The following TBC1D22A variants were observed in gnomAD, a reference collection of about 807,000 sequenced individuals.
The protein encoded by TBC1D22A is TBC1 domain family member 22A.
TBC1D22A carries 38 observed loss-of-function variants against 60.2 expected under a neutral mutation model. That is an observed-to-expected ratio of 0.63 (90% CI 0.49 to 0.83). The LOEUF is 0.83. TBC1D22A is among the 40% of genes least tolerant of loss of function. TBC1D22A has a pLI of 0.00. For missense variants in TBC1D22A, 628 were observed against 701.0 expected (o/e 0.90, Z 1.18); for synonymous variants, 302 against 281.7 (o/e 1.07, Z -0.72).
chr22:46,902,868 A>G (rs184857918), intron 7 of TBC1D22A, among the ~76,000 whole-genome samples: 1 of 152,246 alleles, frequency 6.6e-6, no homozygotes. Context: ...AGGGATGAAG[A>G]CAGATGTGCG....
intron 11 of TBC1D22A, among the ~76,000 whole-genome samples, chr22:47,039,932 A>G (rs2062782296): frequency 2.0e-5 from 2 of 101,826 alleles, no homozygotes; most frequent in Admixed American, 1.1e-4. Flanking sequence ...GAGGTGCCAC[A>G]GCCTTTTTTT....
chr22:46,809,248 T>C (rs148202912), intron 4 of TBC1D22A, among the ~76,000 whole-genome samples: 1 of 152,236 alleles, frequency 6.6e-6, no homozygotes, highest in East Asian at 1.9e-4. Context: ...CTTCTGTGCA[T>C]GTGTGGGGAG....
rs546336688 is a variant in TBC1D22A, at chr22:47,083,024, G to A, written c.1330-28484G>A. On this transcript the variant is annotated intron_variant, in intron 11 of 12. Coordinates refer to ENST00000337137, the MANE Select transcript of TBC1D22A (RefSeq NM_014346.5). ...AGTGCTCTTCAATGACAACGTGGAT[G>A]AATCTCAGAAACATTTTAACCAGCA... Among the ~76,000 whole-genome samples the A allele has an allele frequency of 7.0e-4, 107 of 152,346 alleles. No homozygotes were observed. The Middle Eastern group carries it at 0.017, about 24-fold the overall frequency.
chr22:46,828,229 C>A (rs1569098644), intron 4 of TBC1D22A, among the ~76,000 whole-genome samples: 1 of 152,142 alleles, frequency 6.6e-6, no homozygotes, highest in African/African-American at 2.4e-5. Flanking sequence ...AGCATGATTT[C>A]TCACCCACGG....
chr22:46,932,801 T>C (rs2071431363), intron 8 of TBC1D22A, among the ~76,000 whole-genome samples: 2 of 147,978 alleles, frequency 1.4e-5, no homozygotes, highest in Non-Finnish European at 3.0e-5. Context: ...CTTGGCTCAC[T>C]GCAACCTCTG....
At chr22:47,151,006 C>T (rs2067480173) in intron 12 of TBC1D22A, among the ~76,000 whole-genome samples, 1 of 152,178 alleles carries the variant, frequency 6.6e-6, no homozygotes, top group Non-Finnish European at 1.5e-5. Flanking sequence ...CTTGCTCTTC[C>T]TGCTGTGATG....
At chr22:47,090,043 C>T (rs959615533) in intron 11 of TBC1D22A, among the ~76,000 whole-genome samples, 19 of 152,242 alleles carry the variant, frequency 1.2e-4, no homozygotes, top group African/African-American at 4.1e-4. Flanking sequence ...ATCATTTCCC[C>T]GGGCCCCGCC....
At chr22:46,987,517 A>G (rs1398549634) in intron 9 of TBC1D22A, among the ~76,000 whole-genome samples, 2 of 152,224 alleles carry the variant, frequency 1.3e-5, no homozygotes, top group African/African-American at 4.8e-5. Context: ...ACAATAAAGC[A>G]ACTATCCTAA....
intron 8 of TBC1D22A, chr22:46,913,232 C>G: frequency 3.8e-6 from 3 of 785,124 alleles, no homozygotes; most frequent in Admixed American, 2.9e-5. Context: ...AAAGAGGGGA[C>G]TTTACTGTTT....
intron 12 of TBC1D22A, among the ~76,000 whole-genome samples, chr22:47,124,071 G>A (rs897778521): frequency 1.3e-5 from 2 of 152,170 alleles, no homozygotes; most frequent in Non-Finnish European, 1.5e-5. Flanking sequence ...GCTTACTGCC[G>A]GATTAGGCCT....
chr22:46,861,389 AG>A (rs1384192301), intron 4 of TBC1D22A, among the ~76,000 whole-genome samples: 1 of 152,252 alleles, frequency 6.6e-6, no homozygotes, highest in East Asian at 1.9e-4. Flanking sequence ...CAATGTGGCC[AG>A]CGTCTAGCCC....
At chr22:46,960,514 A>G (rs2073437646) in intron 8 of TBC1D22A, among the ~76,000 whole-genome samples, 1 of 152,124 alleles carries the variant, frequency 6.6e-6, no homozygotes, top group Non-Finnish European at 1.5e-5. Flanking sequence ...TGCCGGCCTC[A>G]GTCCCCCAAA....
intron 10 of TBC1D22A, among the ~76,000 whole-genome samples, chr22:47,017,400 G>A (rs2061946556): frequency 6.6e-6 from 1 of 152,196 alleles, no homozygotes; most frequent in Non-Finnish European, 1.5e-5. Flanking sequence ...CTGAGATGGG[G>A]TTGGGAGATG....
chr22:46,809,466 T>A (rs1030017306), intron 4 of TBC1D22A, among the ~76,000 whole-genome samples: 3 of 152,178 alleles, frequency 2.0e-5, no homozygotes, highest in African/African-American at 7.2e-5. Context: ...TACAGTTCAG[T>A]CTCGAATAGT....
At chr22:47,109,375 A>G (rs1228806527) in intron 11 of TBC1D22A, among the ~76,000 whole-genome samples, 2 of 152,212 alleles carry the variant, frequency 1.3e-5, no homozygotes, top group African/African-American at 4.8e-5. Flanking sequence ...AACTCGAACA[A>G]CGCTGTTGAT....
intron 10 of TBC1D22A, among the ~76,000 whole-genome samples, chr22:47,010,173 A>G (rs901087656): frequency 1.3e-5 from 2 of 152,186 alleles, no homozygotes; most frequent in Admixed American, 6.5e-5. Flanking sequence ...GTTAAAATTG[A>G]CTTATTCTTT....
At chr22:47,075,681 G>T (rs1258717952) in intron 11 of TBC1D22A, among the ~76,000 whole-genome samples, 1 of 152,128 alleles carries the variant, frequency 6.6e-6, no homozygotes, top group African/African-American at 2.4e-5. Context: ...TCATGAATAA[G>T]ATATTTTAAA....
intron 4 of TBC1D22A, among the ~76,000 whole-genome samples, chr22:46,825,490 T>C (rs545896562): frequency 6.1e-4 from 93 of 152,368 alleles, no homozygotes; most frequent in African/African-American, 2.2e-3. Context: ...TTTTTTTCTT[T>C]TGAGACAGAG....
chr22:46,810,823 A>G (rs866104868), intron 4 of TBC1D22A, among the ~76,000 whole-genome samples: 2 of 152,182 alleles, frequency 1.3e-5, no homozygotes, highest in African/African-American at 4.8e-5. Flanking sequence ...TAGACGCCCC[A>G]TGGTGATACA....
Sources: gnomAD v4.1 joint callset for allele counts (sites outside exome capture counted in the v4.1 genomes callset) on GRCh38, gnomAD v4.1.1 for gene constraint, MANE v1.5 for transcripts, NCBI Gene and HGNC (gene_info 2026-07-23, HGNC 2026-07-21) for gene names.